SLC38A11: variants seen among roughly 807,000 people sequenced by gnomAD.
SLC38A11 encodes putative sodium-coupled neutral amino acid transporter 11.
SLC38A11 carries 51 observed loss-of-function variants against 49.4 expected under a neutral mutation model. That is an observed-to-expected ratio of 1.03 (90% confidence interval 0.83 to 1.30). The LOEUF is 1.30. Ranked by LOEUF, SLC38A11 falls within the 50% of genes most tolerant of loss-of-function variation. The probability of loss-of-function intolerance (pLI) is 0.00; values close to 1 mark genes in which losing one functional copy is unlikely to be tolerated. For synonymous variants in SLC38A11, 203 were observed against 192.9 expected (o/e 1.05, Z -0.43); for missense variants, 574 against 556.2 (o/e 1.03, Z -0.32).
chr2:164,942,443 A>AC (rs1193666647), intron 5 of SLC38A11, among the ~76,000 whole-genome samples: 3 of 151,402 alleles, frequency 2.0e-5, no homozygotes, highest in Non-Finnish European at 2.9e-5. Context: ...AAAAAAAAAA[A>AC]AAAACAAAAA....
intron 11 of SLC38A11, among the ~76,000 whole-genome samples, chr2:164,906,641 G>A (rs547888904): frequency 2.6e-5 from 4 of 152,176 alleles, no homozygotes; most frequent in Admixed American, 6.5e-5. Context: ...ATTGGTATGC[G>A]AAATGATTTT....
intron 7 of SLC38A11, among the ~76,000 whole-genome samples, chr2:164,920,347 A>G (rs1686105558): frequency 6.6e-6 from 1 of 152,198 alleles, no homozygotes; most frequent in South Asian, 2.1e-4. Context: ...TATATTTTAA[A>G]TAAAATGTTT....
intron 6 of SLC38A11, among the ~76,000 whole-genome samples, chr2:164,938,707 C>G (rs1430558192): frequency 6.6e-6 from 1 of 152,088 alleles, no homozygotes; most frequent in Non-Finnish European, 1.5e-5. Context: ...TTAAACATCA[C>G]AGTGAAAAGT....
At chr2:164,940,760 ATG>A (rs1011181789) in intron 5 of SLC38A11, among the ~76,000 whole-genome samples, 5 of 150,544 alleles carry the variant, frequency 3.3e-5, no homozygotes, top group African/African-American at 1.2e-4. Context: ...GTATATATAT[ATG>A]TGTATGTGTG....
intron 3 of SLC38A11, among the ~76,000 whole-genome samples, chr2:164,948,166 A>C (rs767498572): frequency 2.6e-5 from 4 of 152,210 alleles, no homozygotes; most frequent in Non-Finnish European, 5.9e-5. Flanking sequence ...GAGTGGTGTG[A>C]GGATTATGGT....
At chr2:164,916,987 A>G (rs766852769) in intron 7 of SLC38A11, among the ~76,000 whole-genome samples, 1 of 152,200 alleles carries the variant, frequency 6.6e-6, no homozygotes, top group Non-Finnish European at 1.5e-5. Context: ...GACTGTGTAG[A>G]TTAAATGAGA....
At chr2:164,937,900 G>T (rs180807857) in intron 6 of SLC38A11, among the ~76,000 whole-genome samples, 37 of 151,512 alleles carry the variant, frequency 2.4e-4, no homozygotes, top group Admixed American at 1.6e-3. Flanking sequence ...TTGAGGAGGG[G>T]TATCTCAGCT....
rs1685688412 is a variant in SLC38A11, at chr2:164,915,188, C to CAT, written c.772_773dup (p.Met258IlefsTer5). 6.2e-7 allele frequency: 1 copy of CAT among 1,612,388 alleles called. No homozygotes were observed. The highest frequency in any genetic ancestry group is 1.3e-5 in the African/African-American group (1 of 74,774). On this transcript the variant is annotated frameshift_variant, in exon 9 of 12. Coordinates refer to ENST00000685975, the MANE Select transcript of SLC38A11 (RefSeq NM_001351537.2). LOFTEE classifies it high-confidence loss of function. ...AGATAAATACAGAAATCACGATGGA[C>CAT]ATATGGATAAGGCGGGACCACTTAG...
intron 9 of SLC38A11, among the ~76,000 whole-genome samples, chr2:164,914,825 A>AC (rs1685656988): frequency 6.6e-6 from 1 of 152,060 alleles, no homozygotes; most frequent in Non-Finnish European, 1.5e-5. Context: ...TTGGGAGGCC[A>AC]CTGGTACCTT....
At chr2:164,907,919 A>G (rs945946955) in intron 11 of SLC38A11, 3 of 152,210 alleles carry the variant, frequency 2.0e-5, no homozygotes, top group African/African-American at 4.8e-5. Context: ...TTTACACAGA[A>G]GACAAGATGG....
chr2:164,915,456 C>G (rs1165340345), intron 8 of SLC38A11, 183 bp from the exon 9 acceptor site: 1 of 557,188 alleles, frequency 1.8e-6, no homozygotes, highest in Non-Finnish European at 3.1e-6. Context: ...TCATTCACAT[C>G]AGGCTTATGT....
Position 164,895,165 on chromosome 2 carries a change from G to T in SLC38A11, c.*3272C>A, listed in dbSNP as rs141383558. Among the ~76,000 whole-genome samples, 53 of 152,256 alleles carry T rather than the reference G, an allele frequency of 3.5e-4. No homozygotes were observed. The highest frequency in any genetic ancestry group is 1.1e-3 in the African/African-American group (45 of 41,552). ...AGCCACTACCCTAGACAAAGACTGG[G>T]CTCTTTTCTTTCTCTCCTGGTCTAT... On this transcript the variant is annotated 3_prime_UTR_variant, in exon 12 of 12. Coordinates refer to ENST00000685975, the MANE Select transcript of SLC38A11 (RefSeq NM_001351537.2).
chr2:164,935,746 C>G (rs770464622), intron 7 of SLC38A11, among the ~76,000 whole-genome samples: 5 of 151,880 alleles, frequency 3.3e-5, no homozygotes, highest in Non-Finnish European at 7.4e-5. Context: ...TGCGTCCCTC[C>G]GAATTTATAT....
In SLC38A11 at chr2:164,915,146, T is replaced by G. The variant is rs566445870; in HGVS notation, c.816A>C (p.Thr272=). Residue 272 remains threonine (T), a synonymous_variant, in exon 9 of 12, where the codon ACA becomes ACC. Transcript: ENST00000685975. ...AGCCAGTAAATGTCAAGTATCCACATGTAGCAAAGAATATACAGATAAATA... is the reference window on the plus strand; with the variant it reads ...AGCCAGTAAATGTCAAGTATCCACAGGTAGCAAAGAATATACAGATAAATA... ...ISVFICIFFA[T]CGYLTFTGFT... The G allele has an allele frequency of 7.9e-5, 127 of 1,609,954 alleles. No individual in the cohort carries two copies. Among genetic ancestry groups the G allele is most frequent in the South Asian group, 4.9e-4 (44 of 90,116 alleles).
intron 7 of SLC38A11, among the ~76,000 whole-genome samples, chr2:164,931,794 A>C (rs1687026170): frequency 6.6e-6 from 1 of 152,214 alleles, no homozygotes; most frequent in Non-Finnish European, 1.5e-5. Flanking sequence ...AAAGACTTAA[A>C]TGTAAAACTC....
chr2:164,944,405 C>G (rs964041113), intron 5 of SLC38A11, among the ~76,000 whole-genome samples, 164 bp downstream of exon 5: 1 of 151,928 alleles, frequency 6.6e-6, no homozygotes, highest in Non-Finnish European at 1.5e-5. Context: ...TAAAAGTAGA[C>G]CAAAACTTTA....
At position 164,898,432 on chromosome 2, in the gene SLC38A11, T is replaced by A; in HGVS notation, c.*5A>T. On this transcript the variant is annotated 3_prime_UTR_variant, in exon 12 of 12. Transcript: ENST00000685975. Reference sequence around the variant, plus strand: ...GAAAACATACATATTTTTAAAGCAGTCAACTCATTGAAAGATACTAATATT... The same window carrying A: ...GAAAACATACATATTTTTAAAGCAGACAACTCATTGAAAGATACTAATATT... The A allele has an allele frequency of 6.3e-7, 1 of 1,594,004 alleles. No homozygotes were observed. Among genetic ancestry groups the A allele is most frequent in the Non-Finnish European group, 8.6e-7 (1 of 1,163,356 alleles).
intron 9 of SLC38A11, among the ~76,000 whole-genome samples, chr2:164,914,207 C>G (rs1685602371): frequency 6.6e-6 from 1 of 151,952 alleles, no homozygotes; most frequent in Non-Finnish European, 1.5e-5. Flanking sequence ...TTCCACTTCC[C>G]TTCAAAGGGT....
At chr2:164,951,621 T>C (rs1688527859) in intron 3 of SLC38A11, among the ~76,000 whole-genome samples, 1 of 152,096 alleles carries the variant, frequency 6.6e-6, no homozygotes, top group African/African-American at 2.4e-5. Context: ...TGAGAAAAAA[T>C]AGCTGAGTGT....
Sources: gnomAD v4.1 joint callset for allele counts (sites outside exome capture counted in the v4.1 genomes callset) on GRCh38, gnomAD v4.1.1 for gene constraint, MANE v1.5 for transcripts, NCBI Gene and HGNC (gene_info 2026-07-23, HGNC 2026-07-21) for gene names.